BCAT1: variants seen among roughly 807,000 people sequenced by gnomAD.
The protein encoded by BCAT1 is branched-chain-amino-acid aminotransferase, cytosolic.
Under a neutral mutation model 52.4 loss-of-function variants are expected in BCAT1, and 48 were observed. The observed-to-expected ratio is 0.92, with a 90% CI of 0.73 to 1.16. The LOEUF is 1.16. Ranked by LOEUF, BCAT1 falls within the 50% of genes most tolerant of loss-of-function variation. The pLI is 0.00. For synonymous variants in BCAT1, 167 were observed against 161.3 expected (o/e 1.04, Z -0.27); for missense variants, 451 against 457.1 (o/e 0.99, Z 0.12).
intron 2 of BCAT1, 58 bp from the exon 3 acceptor site, chr12:24,894,533 AT>A: frequency 7.2e-7 from 1 of 1,380,606 alleles, no homozygotes; most frequent in African/African-American, 1.5e-5. Flanking sequence ...CGCTGGCTAG[AT>A]TATACAGAGG....
intron 3 of BCAT1, among the ~76,000 whole-genome samples, chr12:24,887,065 A>AATAAAAAAAT (rs1448876687): frequency 3.5e-5 from 3 of 85,646 alleles, no homozygotes; most frequent in Non-Finnish European, 7.0e-5. Flanking sequence ...GCTAGCTAAA[A>AATAAAAAAAT]AAAAAAAAAA....
chr12:24,867,100 C>G (rs550729731), intron 5 of BCAT1, among the ~76,000 whole-genome samples: 2 of 152,206 alleles, frequency 1.3e-5, no homozygotes, highest in East Asian at 1.9e-4. Flanking sequence ...GCCTTAAGAG[C>G]TGCAACACTC....
At chr12:24,893,274 C>T (rs570642100) in intron 3 of BCAT1, among the ~76,000 whole-genome samples, 1 of 152,330 alleles carries the variant, frequency 6.6e-6, no homozygotes, top group African/African-American at 2.4e-5. Flanking sequence ...TCTCGCTATG[C>T]ACCAGATATG....
intron 5 of BCAT1, among the ~76,000 whole-genome samples, chr12:24,861,035 A>G (rs1340807140): frequency 6.6e-6 from 1 of 152,244 alleles, no homozygotes; most frequent in Non-Finnish European, 1.5e-5. Context: ...GTGCAAACAA[A>G]TCAGTCCTAC....
Position 24,881,398 on chromosome 12 carries a change from A to C in BCAT1, c.293T>G (p.Leu98Trp). 1.9e-6 allele frequency: 3 copies of C among 1,607,764 alleles called. No homozygotes were observed. Among genetic ancestry groups the C allele is most frequent in the Non-Finnish European group, 2.6e-6 (3 of 1,174,392 alleles). The change falls in exon 4 of 11, where the codon TTG becomes TGG. Residue 98 changes from leucine to tryptophan, a missense_variant. Coordinates refer to ENST00000261192, the MANE Select transcript of BCAT1 (RefSeq NM_005504.7). The stretch of plus-strand genomic sequence containing the variant: ...ATTATCTACTCCTCGAAATGCCTTC[A>C]ATCCTTCAAATAACTGGAGATCAAA... ...LHYAVELFEG[L>W]KAFRGVDNKI...
chr12:24,825,678 T>A (rs1940365972), intron 10 of BCAT1, among the ~76,000 whole-genome samples: 1 of 152,208 alleles, frequency 6.6e-6, no homozygotes, highest in South Asian at 2.1e-4. Flanking sequence ...TAATCAGGTC[T>A]CATGCCCATT....
At chr12:24,889,193 C>A (rs1460769522) in intron 3 of BCAT1, among the ~76,000 whole-genome samples, 1 of 152,214 alleles carries the variant, frequency 6.6e-6, no homozygotes, top group Non-Finnish European at 1.5e-5. Flanking sequence ...GCCTATTAAA[C>A]CTCCACTCCT....
intron 1 of BCAT1, among the ~76,000 whole-genome samples, chr12:24,946,144 T>C (rs1497257): frequency 0.99 from 151,001 of 152,382 alleles, 74,834 homozygotes; most frequent in Middle Eastern, 1. Context: ...TCAACATAGC[T>C]GCCATTTAGA....
At chr12:24,842,340 T>A in intron 6 of BCAT1, 116 bp from the exon 7 acceptor site, 1 of 1,152,172 alleles carries the variant, frequency 8.7e-7, no homozygotes, top group Non-Finnish European at 1.2e-6. Flanking sequence ...GAAGGTATTA[T>A]GTTCTTAATA....
intron 1 of BCAT1, chr12:24,902,592 G>C: frequency 4.6e-6 from 2 of 430,464 alleles, no homozygotes. Context: ...CACGTAGGAT[G>C]TGGCTGTGGG....
intron 1 of BCAT1, among the ~76,000 whole-genome samples, chr12:24,907,756 C>A (rs1385314340): frequency 6.6e-6 from 1 of 152,148 alleles, no homozygotes; most frequent in African/African-American, 2.4e-5. Flanking sequence ...TTGTAAGATC[C>A]ATCCCCTGCC....
chr12:24,921,018 T>C (rs1943492798), intron 1 of BCAT1, among the ~76,000 whole-genome samples: 4 of 152,138 alleles, frequency 2.6e-5, no homozygotes, highest in Admixed American at 2.6e-4. Flanking sequence ...CCTCCCAGCA[T>C]GTGAATGAAT....
chr12:24,835,270 G>C (rs1029936894), intron 8 of BCAT1, among the ~76,000 whole-genome samples: 2 of 152,156 alleles, frequency 1.3e-5, no homozygotes, highest in African/African-American at 4.8e-5. Context: ...TCAGGGTTTT[G>C]TAGAATTATT....
intron 1 of BCAT1, among the ~76,000 whole-genome samples, chr12:24,910,108 TC>T (rs1390284973): frequency 6.6e-6 from 1 of 152,182 alleles, no homozygotes; most frequent in Non-Finnish European, 1.5e-5. Flanking sequence ...GCACAGTGGC[TC>T]ACACCTGTAA....
chr12:24,825,926 C>T (rs1001822107), intron 10 of BCAT1, among the ~76,000 whole-genome samples: 2 of 152,068 alleles, frequency 1.3e-5, no homozygotes, highest in African/African-American at 2.4e-5. Flanking sequence ...AAGAAATCTT[C>T]GCTGGCCAGG....
chr12:24,882,689 C>T (rs970617821), intron 3 of BCAT1, among the ~76,000 whole-genome samples: 5 of 151,858 alleles, frequency 3.3e-5, no homozygotes, highest in African/African-American at 7.3e-5. Context: ...ACCTCTACCC[C>T]CTGGGTTCAA....
At chr12:24,889,148 C>T (rs1406011353) in intron 3 of BCAT1, among the ~76,000 whole-genome samples, 1 of 152,218 alleles carries the variant, frequency 6.6e-6, no homozygotes, top group Non-Finnish European at 1.5e-5. Flanking sequence ...AGATCCCTCT[C>T]TCCCTACAGA....
At chr12:24,924,012 T>A (rs1471251171) in intron 1 of BCAT1, among the ~76,000 whole-genome samples, 1 of 152,264 alleles carries the variant, frequency 6.6e-6, no homozygotes, top group Non-Finnish European at 1.5e-5. Context: ...CACAGGTGGC[T>A]TTTTAATCTG....
chr12:24,881,270 A>C (rs1346456852), intron 4 of BCAT1, 31 bp downstream of exon 4: 5 of 1,491,888 alleles, frequency 3.4e-6, no homozygotes, highest in Non-Finnish European at 4.6e-6. Context: ...ACATTAAAAG[A>C]AACACAAAAG....
Sources: gnomAD v4.1 joint callset for allele counts (sites outside exome capture counted in the v4.1 genomes callset) on GRCh38, gnomAD v4.1.1 for gene constraint, MANE v1.5 for transcripts, NCBI Gene and HGNC (gene_info 2026-07-23, HGNC 2026-07-21) for gene names.